Variants in PRRG1 observed in about 807,000 individuals in gnomAD.
PRRG1 encodes the protein proline rich and Gla domain 1.
In PRRG1, 5 loss-of-function variants were observed where a neutral mutation model predicts 11.8. The ratio of observed to expected loss-of-function variants is 0.42; its 90% CI spans 0.22 to 0.89. The LOEUF (loss-of-function observed/expected upper bound fraction) is 0.89, where lower values mean the gene tolerates loss of function less well. Ranked by LOEUF, PRRG1 falls within the 40% of genes least tolerant of loss-of-function variation. The pLI is 0.28. For synonymous variants in PRRG1, 66 were observed against 60.4 expected, an observed-to-expected ratio of 1.09 and a Z score of -0.43; for missense variants, 155 against 166.1, an observed-to-expected ratio of 0.93 and a Z score of 0.37.
intron 2 of PRRG1, among the ~76,000 whole-genome samples, chrX:37,416,463 A>T (rs782028905): frequency 5.4e-5 from 6 of 112,139 alleles, no homozygotes; most frequent in Non-Finnish European, 1.1e-4. Flanking sequence ...TCTATATGAG[A>T]TAGAATGTAA....
At chrX:37,423,770 C>CACG (rs1932726290) in intron 2 of PRRG1, among the ~76,000 whole-genome samples, 1 of 111,098 alleles carries the variant, frequency 9.0e-6, no homozygotes, top group Admixed American at 9.6e-5. Flanking sequence ...CCTAGGCCTT[C>CACG]ACATTCACTC....
chrX:37,360,597 C>T (rs1930380926), intron 1 of PRRG1, among the ~76,000 whole-genome samples: 1 of 111,879 alleles, frequency 8.9e-6, no homozygotes, highest in Non-Finnish European at 1.9e-5. Flanking sequence ...GTGCATATTC[C>T]ACATGAGCTT....
chrX:37,453,682 A>G lies in PRRG1; in HGVS notation c.*61A>G. 9.7e-7 allele frequency: 1 copy of G among 1,034,143 alleles called. No individual in the cohort carries two copies. Among genetic ancestry groups the G allele is most frequent in the Non-Finnish European group, 1.3e-6 (1 of 777,741 alleles). The allele number at this position is 1,034,143 out of a possible 1,213,427, so 85.2% of individuals were successfully genotyped here. On this transcript the variant is annotated 3_prime_UTR_variant, in exon 4 of 4. Coordinates refer to ENST00000378628, the MANE Select transcript of PRRG1 (RefSeq NM_001142395.2). Reference sequence around the variant, plus strand: ...AATACTAATGGAAGAACTTTCTAGCACTTTACCACTACATAAATGTTCATT... The same window carrying G: ...AATACTAATGGAAGAACTTTCTAGCGCTTTACCACTACATAAATGTTCATT...
At chrX:37,424,499 T>A (rs1805094509) in intron 2 of PRRG1, among the ~76,000 whole-genome samples, 1 of 111,631 alleles carries the variant, frequency 9.0e-6, no homozygotes, top group African/African-American at 3.3e-5. Flanking sequence ...AGTAACCTTT[T>A]GCTTTCCTTC....
At chrX:37,372,696 C>T (rs1219411173) in intron 1 of PRRG1, among the ~76,000 whole-genome samples, 1 of 112,600 alleles carries the variant, frequency 8.9e-6, no homozygotes, top group Non-Finnish European at 1.9e-5. Flanking sequence ...GCTATTAACT[C>T]CTTATCAGAT....
chrX:37,393,590 A>G (rs1184138384), intron 1 of PRRG1, among the ~76,000 whole-genome samples: 1 of 111,515 alleles, frequency 9.0e-6, no homozygotes, highest in Admixed American at 9.6e-5. Context: ...AAAGCCTTGT[A>G]TGATTTGACT....
chrX:37,427,274 A>G (rs1932784893), intron 3 of PRRG1, among the ~76,000 whole-genome samples: 1 of 112,019 alleles, frequency 8.9e-6, no homozygotes, highest in Non-Finnish European at 1.9e-5. Context: ...TTCTTTTACA[A>G]AAAAAATTTA....
intron 3 of PRRG1, among the ~76,000 whole-genome samples, chrX:37,446,626 C>T (rs1159177073): frequency 4.5e-5 from 5 of 111,634 alleles, no homozygotes; most frequent in Admixed American, 9.6e-5. Context: ...TCTGTCTTCC[C>T]GTTTTGTGTG....
chrX:37,369,160 C>G (rs1230884177), intron 1 of PRRG1, among the ~76,000 whole-genome samples: 1 of 112,329 alleles, frequency 8.9e-6, no homozygotes, highest in African/African-American at 3.2e-5. Context: ...CCAATTCCAT[C>G]TGGTATCATT....
At chrX:37,363,456 T>C (rs1426656559) in intron 1 of PRRG1, among the ~76,000 whole-genome samples, 1 of 112,534 alleles carries the variant, frequency 8.9e-6, no homozygotes, top group Non-Finnish European at 1.9e-5. Context: ...ACTCTAAATT[T>C]GTTAGAAAGG....
intron 2 of PRRG1, among the ~76,000 whole-genome samples, chrX:37,419,118 T>G (rs1932585741): frequency 8.9e-6 from 1 of 112,564 alleles, no homozygotes; most frequent in Non-Finnish European, 1.9e-5. Flanking sequence ...GTAGTGATTA[T>G]GTAAAACATT....
chrX:37,379,031 CTTTTTTTTTT>C (rs56857980), intron 1 of PRRG1, among the ~76,000 whole-genome samples: 5 of 28,761 alleles, frequency 1.7e-4, no homozygotes, highest in South Asian at 1.9e-3. Flanking sequence ...CATCTTTTTG[CTTTTTTTTTT>C]TTTTTTTTTT....
intron 1 of PRRG1, among the ~76,000 whole-genome samples, chrX:37,400,345 A>G (rs782001517): frequency 1.8e-5 from 2 of 111,919 alleles, no homozygotes; most frequent in Non-Finnish European, 3.8e-5. Flanking sequence ...AAACCGCTCA[A>G]CTACATGGAA....
At chrX:37,451,477 A>T (rs782209949) in intron 3 of PRRG1, among the ~76,000 whole-genome samples, 24 of 112,607 alleles carry the variant, frequency 2.1e-4, no homozygotes, top group Admixed American at 9.4e-4. Flanking sequence ...TTACCTGTGA[A>T]TATATATCCA....
At chrX:37,396,882 G>A (rs979172006) in intron 1 of PRRG1, among the ~76,000 whole-genome samples, 8 of 111,899 alleles carry the variant, frequency 7.1e-5, no homozygotes, top group African/African-American at 2.6e-4. Context: ...ATGTTTAGCA[G>A]TACCTGGCCC....
chrX:37,401,328 A>G (rs1931968292), intron 1 of PRRG1, among the ~76,000 whole-genome samples: 1 of 111,175 alleles, frequency 9.0e-6, no homozygotes, highest in Non-Finnish European at 1.9e-5. Context: ...GGCTGGTTCA[A>G]TATACGCAAA....
intron 1 of PRRG1, among the ~76,000 whole-genome samples, chrX:37,390,767 G>A (rs1931496190): frequency 8.9e-6 from 1 of 112,155 alleles, no homozygotes; most frequent in Admixed American, 9.4e-5. Flanking sequence ...AACATTGAAT[G>A]GGAACTGGCT....
At chrX:37,442,113 G>T in intron 3 of PRRG1, 5 of 760,702 alleles carry the variant, frequency 6.6e-6, no homozygotes, top group Non-Finnish European at 7.8e-6. Flanking sequence ...GCCTTCCCTG[G>T]GTCAGGCCAC....
intron 2 of PRRG1, 148 bp downstream of exon 2, chrX:37,406,407 T>G: frequency 1.8e-6 from 1 of 554,739 alleles, no homozygotes; most frequent in Admixed American, 3.5e-5. Flanking sequence ...AGCAGGGCTT[T>G]TCAGAGAAAG....
Sources: allele counts gnomAD v4.1 joint callset (sites outside exome capture counted in the v4.1 genomes callset), GRCh38; gene constraint gnomAD v4.1.1; transcripts MANE v1.5; gene names NCBI Gene and HGNC (gene_info 2026-07-23, HGNC 2026-07-21).